FAT4: variants seen among roughly 807,000 people sequenced by gnomAD.
FAT4 encodes the protein FAT atypical cadherin 4.
Under a neutral mutation model 303.9 loss-of-function variants are expected in FAT4, and 84 were observed. The ratio of observed to expected loss-of-function variants is 0.28; its 90% confidence interval spans 0.23 to 0.33. The LOEUF (loss-of-function observed/expected upper bound fraction) is 0.33, where lower values mean the gene tolerates loss of function less well. Ranked by LOEUF, FAT4 falls within the 10% of genes least tolerant of loss-of-function variation. The pLI, the probability that FAT4 is intolerant of heterozygous loss-of-function variation, is 1.00. For synonymous variants in FAT4, 2,307 were observed against 2,298.8 expected, an observed-to-expected ratio of 1.00 and a Z score of -0.10; for missense variants, 6,005 against 6,146.8, an observed-to-expected ratio of 0.98 and a Z score of 0.77.
intron 7 of FAT4, among the ~76,000 whole-genome samples, chr4:125,430,169 A>G (rs1434360261): frequency 2.0e-5 from 3 of 151,978 alleles, no homozygotes; most frequent in Non-Finnish European, 4.4e-5. Flanking sequence ...AAAAAAAAAA[A>G]AAAAGCAAAC....
In FAT4 at chr4:125,356,556, T is replaced by G. The variant is rs543417257; in HGVS notation, c.5175+34970T>G. On this transcript the variant is annotated intron_variant, in intron 2 of 17. Transcript: ENST00000394329. ...TAGGGTGTTTTGTTTTTTGTTTTTT[T>G]TTTTTTTTTGCCATTTATAGGTTAC... Among the ~76,000 whole-genome samples, 179 of 149,256 alleles carry G rather than the reference T, an allele frequency of 1.2e-3. 1 individual carries two copies. The highest frequency in any genetic ancestry group is 5.0e-3 in the South Asian group (24 of 4,792).
intron 11 of FAT4, among the ~76,000 whole-genome samples, chr4:125,464,078 T>C (rs1439556277): frequency 2.0e-5 from 3 of 152,310 alleles, no homozygotes; most frequent in Admixed American, 6.5e-5. Flanking sequence ...CTTTATTTTT[T>C]ATTTTTGTTT....
Position 125,415,111 on chromosome 4 carries a change from A to T in FAT4, c.6148A>T (p.Thr2050Ser). Residue 2050 changes from threonine (T) to serine (S), a missense_variant, in exon 6 of 18, where the codon ACA becomes TCA. Physicochemically the swap from Thr to Ser is moderately conservative, Grantham distance 58. Coordinates refer to ENST00000394329, the MANE Select transcript of FAT4 (RefSeq NM_001291303.3). ...GTTGGATGTAAATGATAACCCACCG[A>T]CATTTCTTTCCCCTAAATTGACATA... ...ILLDVNDNPP[T>S]FLSPKLTYIP... 6.2e-7 allele frequency: 1 copy of T among 1,614,024 alleles called. No homozygotes were observed. Among genetic ancestry groups the T allele is most frequent in the East Asian group, 2.2e-5 (1 of 44,864 alleles).
intron 2 of FAT4, among the ~76,000 whole-genome samples, chr4:125,336,517 C>T (rs1287848387): frequency 6.6e-6 from 1 of 151,878 alleles, no homozygotes; most frequent in Non-Finnish European, 1.5e-5. Context: ...ATGACTATTC[C>T]AGAAGTGAGA....
intron 5 of FAT4, among the ~76,000 whole-genome samples, chr4:125,411,985 T>C (rs1462304281): frequency 6.6e-6 from 1 of 151,666 alleles, no homozygotes; most frequent in Non-Finnish European, 1.5e-5. Flanking sequence ...GTTTGAAGTT[T>C]AAAGATCTGG....
chr4:125,486,516 C>A (rs1250599557), intron 16 of FAT4, among the ~76,000 whole-genome samples: 3 of 152,166 alleles, frequency 2.0e-5, no homozygotes, highest in Non-Finnish European at 4.4e-5. Flanking sequence ...CCCCTGCCAA[C>A]ACACCAGCTC....
At chr4:125,422,293 T>A (rs11932005) in intron 7 of FAT4, among the ~76,000 whole-genome samples, 150,926 of 152,340 alleles carry the variant, frequency 0.99, 74,776 homozygotes, top group East Asian at 1. Flanking sequence ...TGGTGCTAAT[T>A]TAATGCACTT....
chr4:125,425,903 G>T (rs1232583589), intron 7 of FAT4, among the ~76,000 whole-genome samples: 1 of 152,078 alleles, frequency 6.6e-6, no homozygotes, highest in Non-Finnish European at 1.5e-5. Context: ...TCAGTTATTA[G>T]CATTTCTAAT....
intron 8 of FAT4, among the ~76,000 whole-genome samples, chr4:125,437,640 A>T (rs1725506383): frequency 1.3e-5 from 2 of 152,196 alleles, no homozygotes; most frequent in Admixed American, 1.3e-4. Flanking sequence ...CTTCCAGGTT[A>T]TGAGCTTCAA....
chr4:125,490,068 A>G lies in FAT4; in HGVS notation c.13252A>G (p.Ile4418Val). 1 of 1,614,006 alleles carries G rather than the reference A, an allele frequency of 6.2e-7. No individual in the cohort carries two copies. Among genetic ancestry groups the G allele is most frequent in the Non-Finnish European group, 8.5e-7 (1 of 1,179,984 alleles). ...SNPCWGDLLC[I>V]NQWYAYRCVP... ...CCCCTGCTGGGGTGATTTGCTGTGC[A>G]TTAATCAGTGGTATGCCTACAGGTG... Residue 4418 changes from isoleucine (I) to valine (V), a missense_variant, in exon 18 of 18, where the codon ATT becomes GTT. Transcript: ENST00000394329.
intron 2 of FAT4, among the ~76,000 whole-genome samples, chr4:125,389,353 TAA>T (rs1442480618): frequency 6.6e-6 from 1 of 152,112 alleles, no homozygotes; most frequent in East Asian, 1.9e-4. Context: ...TTTCTTGTAC[TAA>T]AGTGTTTCCT....
In FAT4 at chr4:125,468,946, G is replaced by A. The variant is rs1726767889; in HGVS notation, c.12213+127G>A. 3.7e-6 allele frequency: 4 copies of A among 1,068,262 alleles called. No homozygotes were observed. The South Asian group carries it at 7.0e-5, about 19-fold the overall frequency. The allele number at this position is 1,068,262 out of a possible 1,614,324, so 66.2% of individuals were successfully genotyped here. A position where few individuals can be genotyped will look rare whatever the true frequency, so the allele number is the denominator to read the frequency against. ...GAACACTTTAGTTATGAAAAACTTAGACATAATATTTTTCTTTTGCTCATG... is the reference window on the plus strand; with the variant it reads ...GAACACTTTAGTTATGAAAAACTTAAACATAATATTTTTCTTTTGCTCATG... On this transcript the variant is annotated intron_variant, in intron 12 of 17. Transcript: ENST00000394329.
intron 7 of FAT4, among the ~76,000 whole-genome samples, chr4:125,432,848 A>C (rs555052978): frequency 1.3e-5 from 2 of 152,156 alleles, no homozygotes; most frequent in African/African-American, 4.8e-5. Flanking sequence ...AACAATGATC[A>C]GTGTGCAGTC....
At chr4:125,424,240 T>A (rs1271569957) in intron 7 of FAT4, among the ~76,000 whole-genome samples, 1 of 152,142 alleles carries the variant, frequency 6.6e-6, no homozygotes, top group African/African-American at 2.4e-5. Flanking sequence ...CCATGTGTCC[T>A]GAGAGGGACC....
rs1304086448 is a variant in FAT4, at chr4:125,487,301, C to T, written c.12823-44C>T. ...GTTTTGTTAATGATTTTTATTTAAG[C>T]ATACCATATTTTAATTGCATACTAT... On this transcript the variant is annotated intron_variant, in intron 16 of 17. Transcript: ENST00000394329. 4 of 1,549,480 alleles carry T rather than the reference C, an allele frequency of 2.6e-6. No homozygotes were observed. In the South Asian group the frequency reaches 4.8e-5, roughly 19 times the overall value.
At chr4:125,362,807 A>C (rs1732723003) in intron 2 of FAT4, 1 of 152,180 alleles carries the variant, frequency 6.6e-6, no homozygotes, top group African/African-American at 2.4e-5. Flanking sequence ...TGATTATGTC[A>C]AAAGGGAAGA....
rs184468323 is a variant in FAT4 at position 125,420,837 on chromosome 4, T to G, written c.7018+4215T>G. 7.9e-5 allele frequency among the ~76,000 whole-genome samples: 12 copies of G among 152,224 alleles called. 1 individual carries two copies. Among genetic ancestry groups the G allele is most frequent in the Admixed American group, 3.9e-4 (6 of 15,268 alleles). The stretch of plus-strand genomic sequence containing the variant: ...GTTTCTAGACAGGTCGTATTGCTAC[T>G]CTGTGCTTTACTATCCACCTTTTCT... On this transcript the variant is annotated intron_variant, in intron 7 of 17. Coordinates refer to ENST00000394329, the MANE Select transcript of FAT4 (RefSeq NM_001291303.3).
chr4:125,342,979 C>T (rs1731854349), intron 2 of FAT4, among the ~76,000 whole-genome samples: 1 of 152,080 alleles, frequency 6.6e-6, no homozygotes, highest in Non-Finnish European at 1.5e-5. Context: ...TTATAATTAA[C>T]TATATTGGCT....
At chr4:125,438,214 C>A (rs988572830) in intron 8 of FAT4, among the ~76,000 whole-genome samples, 1 of 152,160 alleles carries the variant, frequency 6.6e-6, no homozygotes, top group African/African-American at 2.4e-5. Flanking sequence ...TGAATGTTTA[C>A]AAACTTGATC....
Sources: allele counts gnomAD v4.1 joint callset (sites outside exome capture counted in the v4.1 genomes callset), GRCh38; gene constraint gnomAD v4.1.1; transcripts MANE v1.5; gene names NCBI Gene and HGNC (gene_info 2026-07-23, HGNC 2026-07-21).